The following ATF7IP variants were observed in gnomAD, a reference collection of about 807,000 sequenced individuals.
ATF7IP encodes the protein activating transcription factor 7 interacting protein.
Under a neutral mutation model 106.4 loss-of-function variants are expected in ATF7IP, and 23 were observed. The ratio of observed to expected loss-of-function variants is 0.22; its 90% CI spans 0.16 to 0.31. The LOEUF (loss-of-function observed/expected upper bound fraction) is 0.31. ATF7IP is among the 10% of genes least tolerant of loss of function. The probability of loss-of-function intolerance (pLI) is 1.00; values close to 1 mark genes in which losing one functional copy is unlikely to be tolerated. For missense variants in ATF7IP, 1,334 were observed against 1,524.3 expected (o/e 0.88, Z 2.08); for synonymous variants, 542 against 539.0 (o/e 1.01, Z -0.08).
intron 9 of ATF7IP, among the ~76,000 whole-genome samples, chr12:14,462,072 G>A (rs992045671): frequency 6.6e-6 from 1 of 152,110 alleles, no homozygotes; most frequent in Non-Finnish European, 1.5e-5. Flanking sequence ...TCACAGAGTT[G>A]TTAAGAAAGT....
chr12:14,445,830 G>C (rs1292456848), intron 5 of ATF7IP, among the ~76,000 whole-genome samples: 1 of 152,080 alleles, frequency 6.6e-6, no homozygotes, highest in African/African-American at 2.4e-5. Context: ...TCCTTAGGTA[G>C]GGCCTCATGA....
intron 6 of ATF7IP, among the ~76,000 whole-genome samples, chr12:14,453,528 T>C (rs963024274): frequency 2.6e-5 from 4 of 152,162 alleles, no homozygotes; most frequent in African/African-American, 9.6e-5. Context: ...TATGATACGT[T>C]TTTACAGTTT....
chr12:14,416,573 G>A (rs886231432), intron 1 of ATF7IP, among the ~76,000 whole-genome samples: 2 of 152,062 alleles, frequency 1.3e-5, no homozygotes, highest in African/African-American at 2.4e-5. Context: ...CCCAACAATC[G>A]TGGTACTTAG....
At chr12:14,385,492 A>G in intron 1 of ATF7IP, 1 of 1,212,938 alleles carries the variant, frequency 8.2e-7, no homozygotes, top group Non-Finnish European at 1.1e-6. Flanking sequence ...GGGTGAACTT[A>G]GAGCTTGGTT....
chr12:14,471,170 CAAATT>C (rs1944027754), intron 10 of ATF7IP, among the ~76,000 whole-genome samples: 1 of 152,048 alleles, frequency 6.6e-6, no homozygotes, highest in Non-Finnish European at 1.5e-5. Flanking sequence ...TACTTTTACA[CAAATT>C]AAATATGTGT....
At position 14,401,471 on chromosome 12, in the gene ATF7IP, A is replaced by G. The variant is rs143688336; in HGVS notation, c.-7-22438A>G. 4.4e-3 allele frequency among the ~76,000 whole-genome samples: 675 copies of G among 152,310 alleles called. 6 individuals are homozygous for G. Among genetic ancestry groups the G allele is most frequent in the South Asian group, 0.017 (83 of 4,826 alleles). On this transcript the variant is annotated intron_variant, in intron 1 of 14. Transcript: ENST00000261168. Reference sequence around the variant, plus strand: ...CTTGGCCTCCCAAACTGCTGGGATTAGTGGCGTGAGCCATCGTGCCTGGCC... The same window carrying G: ...CTTGGCCTCCCAAACTGCTGGGATTGGTGGCGTGAGCCATCGTGCCTGGCC...
chr12:14,494,284 A>AATATATATATATATAT (rs747194414), intron 13 of ATF7IP, among the ~76,000 whole-genome samples: 9 of 53,800 alleles, frequency 1.7e-4, no homozygotes, highest in Admixed American at 5.0e-4. Flanking sequence ...GAGCTAATAG[A>AATATATATATATATAT]ATATATATAT....
At chr12:14,409,189 T>C (rs1446877692) in intron 1 of ATF7IP, among the ~76,000 whole-genome samples, 4 of 151,978 alleles carry the variant, frequency 2.6e-5, no homozygotes, top group African/African-American at 9.7e-5. Flanking sequence ...AAATGTAGTA[T>C]TAGAGTCCAT....
chr12:14,493,060 GCT>G (rs934765771), intron 13 of ATF7IP, among the ~76,000 whole-genome samples: 7 of 152,198 alleles, frequency 4.6e-5, no homozygotes, highest in African/African-American at 1.7e-4. Context: ...ATCATTTCCA[GCT>G]CTCTCACAGT....
rs370879944 is a variant in ATF7IP, at chr12:14,488,130, C to CT, written c.3280+6945_3280+6946insT. Reference sequence around the variant, plus strand: ...CTTAATATTCGGTTCTTCTAGACCCCCAATCCTGGTACCAAAATCTGAATT... The same window carrying CT: ...CTTAATATTCGGTTCTTCTAGACCCCTCAATCCTGGTACCAAAATCTGAATT... On this transcript the variant is annotated intron_variant, in intron 13 of 14. Coordinates refer to ENST00000261168, the MANE Select transcript of ATF7IP (RefSeq NM_018179.5). Among the ~76,000 whole-genome samples, 666 of 152,150 alleles carry CT rather than the reference C, an allele frequency of 4.4e-3. 4 individuals carry two copies. Among genetic ancestry groups the CT allele is most frequent in the African/African-American group, 0.015 (640 of 41,508 alleles).
chr12:14,494,329 A>ATGTGTGTGTGTGTG (rs1459016569), intron 13 of ATF7IP, among the ~76,000 whole-genome samples: 1 of 93,032 alleles, frequency 1.1e-5, no homozygotes, highest in African/African-American at 4.7e-5. Context: ...ATATATATAT[A>ATGTGTGTGTGTGTG]TATATGTGTG....
In ATF7IP at chr12:14,498,011, C is replaced by T. The variant is rs1207992027; in HGVS notation, c.3751C>T (p.Arg1251Cys). 6.2e-7 allele frequency: 1 copy of T among 1,613,460 alleles called. No individual in the cohort carries two copies. Among genetic ancestry groups the T allele is most frequent in the Non-Finnish European group, 8.5e-7 (1 of 1,179,416 alleles). The change falls in exon 15 of 15, where the codon CGT (arginine) becomes TGT (cysteine). Residue 1251 changes from arginine to cysteine, a missense_variant. By Grantham distance (180) the Arg-to-Cys change is radical. This residue lies in a region of ATF7IP where 80 missense variants were observed against 157.0 expected (regional missense o/e 0.51). Transcript: ENST00000261168. ...AGTACGAGCCAAGGATATTTATGGA[C>T]GTTTTGGGCCTTTCTGTGATCCTCA... The part of the protein sequence containing the change: ...FAVRAKDIYG[R>C]FGPFCDPQST...
At chr12:14,467,403 T>C (rs1466777556) in intron 10 of ATF7IP, among the ~76,000 whole-genome samples, 1 of 152,188 alleles carries the variant, frequency 6.6e-6, no homozygotes, top group African/African-American at 2.4e-5. Flanking sequence ...CCATAGTTTA[T>C]AGATCAAATA....
chr12:14,398,066 C>T (rs143440389), intron 1 of ATF7IP, among the ~76,000 whole-genome samples: 1,780 of 151,948 alleles, frequency 0.012, 28 homozygotes, highest in East Asian at 0.063. Flanking sequence ...TCATGTTGTT[C>T]GTTATATTTA....
At chr12:14,399,419 T>C (rs1336823380) in intron 1 of ATF7IP, among the ~76,000 whole-genome samples, 1 of 152,120 alleles carries the variant, frequency 6.6e-6, no homozygotes, top group East Asian at 1.9e-4. Flanking sequence ...TTAAATGATA[T>C]TCTAAGTTAT....
chr12:14,425,036 ATAT>A lies in ATF7IP; in HGVS notation c.1125_1127del (p.Ile376del), dbSNP rs765771284. ...GAAAATGAAAAGAAGGTAGAGGAAG[ATAT>A]TATCACAGAGCTTGCTCTTGGAGAA... On this transcript the variant is annotated inframe_deletion, in exon 2 of 15. Coordinates refer to ENST00000261168, the MANE Select transcript of ATF7IP (RefSeq NM_018179.5). 190 of 1,610,160 alleles carry A rather than the reference ATAT, an allele frequency of 1.2e-4. 2 individuals are homozygous for A. The Middle Eastern group carries it at 2.8e-3, about 24-fold the overall frequency.
chr12:14,463,050 A>G (rs1001137391), intron 9 of ATF7IP, among the ~76,000 whole-genome samples: 18 of 152,158 alleles, frequency 1.2e-4, no homozygotes, highest in African/African-American at 4.3e-4. Context: ...TTATTTGATC[A>G]GGTATAATTT....
intron 9 of ATF7IP, among the ~76,000 whole-genome samples, chr12:14,463,691 G>A (rs1943722682): frequency 6.6e-6 from 1 of 152,140 alleles, no homozygotes; most frequent in South Asian, 2.1e-4. Context: ...TATGGAGAAT[G>A]GTTTGGAAGG....
chr12:14,455,207 C>T lies in ATF7IP; in HGVS notation c.1996-1354C>T, dbSNP rs1057218433. On this transcript the variant is annotated intron_variant, in intron 6 of 14. Coordinates refer to ENST00000261168, the MANE Select transcript of ATF7IP (RefSeq NM_018179.5). ...CAAAAAAAAAAAAAAAAAAATTACT[C>T]AACAATGTGCTTAAAGATGCATTCC... Among the ~76,000 whole-genome samples, 25 of 150,822 alleles carry T rather than the reference C, an allele frequency of 1.7e-4. 1 individual carries two copies. Among genetic ancestry groups the T allele is most frequent in the Admixed American group, 1.5e-3 (22 of 15,162 alleles).
Sources: gnomAD v4.1 joint callset for allele counts (sites outside exome capture counted in the v4.1 genomes callset) on GRCh38, gnomAD v4.1.1 for gene constraint, gnomAD v4.1.1 regional missense constraint, MANE v1.5 for transcripts, NCBI Gene and HGNC (gene_info 2026-07-23, HGNC 2026-07-21) for gene names.